The following RNF17 variants were observed in gnomAD, a reference collection of about 807,000 sequenced individuals.
RNF17 encodes the protein spermatogenesis associated 23.
In RNF17, 31 loss-of-function variants were observed where a neutral mutation model predicts 200.5. The ratio of observed to expected loss-of-function variants is 0.15; its 90% CI spans 0.12 to 0.21. The LOEUF is 0.21. Among genes scored for constraint, RNF17 ranks in the 10% least tolerant of loss-of-function variants. The pLI is 1.00. For missense variants in RNF17, 1,628 were observed against 1,905.1 expected (o/e 0.85, Z 2.71); for synonymous variants, 606 against 637.8 (o/e 0.95, Z 0.75).
At chr13:24,752,555 G>A in the RNF17 span, among the ~76,000 whole-genome samples, 1 of 152,218 alleles carries the variant, frequency 6.6e-6, no homozygotes, top group Non-Finnish European at 1.5e-5. Context: ...ACAGATGAAG[G>A]GATCAAGAAA....
chr13:24,788,611 C>T (rs1260827677), intron 7 of RNF17, among the ~76,000 whole-genome samples: 4 of 152,276 alleles, frequency 2.6e-5, no homozygotes, highest in East Asian at 1.9e-4. Context: ...TCAAGTTTTT[C>T]TCTTCCAATT....
chr13:24,868,241 C>T (rs1324197268), intron 30 of RNF17, among the ~76,000 whole-genome samples: 2 of 151,656 alleles, frequency 1.3e-5, no homozygotes, highest in Non-Finnish European at 2.9e-5. Context: ...GAGGCCGAGG[C>T]GGGCGGATCA....
chr13:24,765,050 C>CT (rs1307920354), intron 1 of RNF17, among the ~76,000 whole-genome samples: 1 of 152,166 alleles, frequency 6.6e-6, no homozygotes, highest in Non-Finnish European at 1.5e-5. Context: ...GAGTCTCGCT[C>CT]TGTAGCCCAG....
At chr13:24,796,525 T>C (rs1478520036) in intron 11 of RNF17, among the ~76,000 whole-genome samples, 1 of 152,208 alleles carries the variant, frequency 6.6e-6, no homozygotes, top group Non-Finnish European at 1.5e-5. Flanking sequence ...AACTCCATTA[T>C]GTAGTAGGGC....
chr13:24,849,436 A>T (rs867304852), intron 22 of RNF17, among the ~76,000 whole-genome samples: 1 of 152,096 alleles, frequency 6.6e-6, no homozygotes, highest in African/African-American at 2.4e-5. Context: ...ACATTATGAA[A>T]TTTTTTTGAG....
At chr13:24,813,719 C>T (rs1291511320) in intron 15 of RNF17, among the ~76,000 whole-genome samples, 1 of 150,806 alleles carries the variant, frequency 6.6e-6, no homozygotes, top group East Asian at 1.9e-4. Context: ...CAGCCTGGAA[C>T]TCCTGGACTG....
At chr13:24,852,415 G>C (rs1236413009) in intron 24 of RNF17, among the ~76,000 whole-genome samples, 2 of 152,148 alleles carry the variant, frequency 1.3e-5, no homozygotes, top group East Asian at 3.9e-4. Context: ...TGGGATTACA[G>C]GTGTGAGCCA....
chr13:24,748,316 T>G, the RNF17 span, among the ~76,000 whole-genome samples: 12 of 152,228 alleles, frequency 7.9e-5, no homozygotes, highest in African/African-American at 2.9e-4. Flanking sequence ...TAAGCCTTCA[T>G]TTGATTTACA....
At chr13:24,883,316 G>T (rs753304506), downstream of RNF17, 2 of 1,613,696 alleles carry the variant, frequency 1.2e-6, no homozygotes, top group Non-Finnish European at 1.7e-6. Flanking sequence ...CTTGAACTGG[G>T]CAGTATGTAG....
intron 24 of RNF17, among the ~76,000 whole-genome samples, chr13:24,852,554 A>C (rs1892056614): frequency 6.6e-6 from 1 of 152,174 alleles, no homozygotes; most frequent in Admixed American, 6.5e-5. Flanking sequence ...GCCTTAACTT[A>C]TATCTTACCT....
At chr13:24,859,472 A>G (rs995638641) in intron 26 of RNF17, among the ~76,000 whole-genome samples, 1 of 152,130 alleles carries the variant, frequency 6.6e-6, no homozygotes, top group African/African-American at 2.4e-5. Context: ...CCAGTATGTT[A>G]AATATCTCGC....
intron 30 of RNF17, 68 bp from the exon 31 acceptor site, chr13:24,868,532 A>G: frequency 4.2e-6 from 3 of 713,720 alleles, no homozygotes; most frequent in Non-Finnish European, 7.5e-6. Flanking sequence ...TGGCACCATC[A>G]TGAATTTTTA....
intron 31 of RNF17, 133 bp downstream of exon 31, chr13:24,868,849 C>T (rs1893956321): frequency 1.6e-6 from 1 of 644,860 alleles, no homozygotes; most frequent in South Asian, 1.8e-5. Flanking sequence ...CTAGTTTGCC[C>T]CACCCTATAA....
chr13:24,865,014 T>C lies in RNF17; in HGVS notation c.4101+16T>C. 1.3e-6 allele frequency: 2 copies of C among 1,532,980 alleles called. No homozygotes were observed. Among genetic ancestry groups the C allele is most frequent in the Non-Finnish European group, 1.8e-6 (2 of 1,136,622 alleles). 95.0% of individuals were successfully genotyped at this position (1,532,980 alleles called of 1,614,324 possible). A position where few individuals can be genotyped will look rare whatever the true frequency, so the allele number is the denominator to read the frequency against. ...GTTGAAAGAAGTAAGTGCACTATTT[T>C]TCTATAAAAATCTAAAGTGTAGAAA... On this transcript the variant is annotated intron_variant, in intron 29 of 35. Coordinates refer to ENST00000255324, the MANE Select transcript of RNF17 (RefSeq NM_031277.3).
the RNF17 span, chr13:24,885,384 A>C: frequency 1.2e-6 from 2 of 1,602,606 alleles, no homozygotes; most frequent in Non-Finnish European, 1.7e-6. Context: ...TGGGAGAGGC[A>C]GCCTGTAAGC....
chr13:24,782,248 T>A (rs1445093372), intron 6 of RNF17, among the ~76,000 whole-genome samples: 1 of 152,116 alleles, frequency 6.6e-6, no homozygotes, highest in Non-Finnish European at 1.5e-5. Context: ...TGATAATAGC[T>A]CACTGCAGCC....
chr13:24,797,705 AGTGTGTGT>A (rs777888152), intron 11 of RNF17, among the ~76,000 whole-genome samples: 1 of 119,048 alleles, frequency 8.4e-6, no homozygotes, highest in East Asian at 2.6e-4. Context: ...AGAGACAAAG[AGTGTGTGT>A]GTGTGTGTGT....
chr13:24,807,712 T>C (rs2137788956), intron 15 of RNF17, among the ~76,000 whole-genome samples: 1 of 152,198 alleles, frequency 6.6e-6, no homozygotes, highest in African/African-American at 2.4e-5. Flanking sequence ...AGACATGAAG[T>C]CCTTGCCCAT....
intron 28 of RNF17, 50 bp from the exon 29 acceptor site, chr13:24,864,823 T>A: frequency 7.6e-7 from 1 of 1,317,806 alleles, no homozygotes; most frequent in Non-Finnish European, 1.1e-6. Context: ...TATAAAAATG[T>A]CATCAAGTGG....
Sources: allele counts gnomAD v4.1 joint callset (sites outside exome capture counted in the v4.1 genomes callset), GRCh38; gene constraint gnomAD v4.1.1; transcripts MANE v1.5; gene names NCBI Gene and HGNC (gene_info 2026-07-23, HGNC 2026-07-21).